BICRAL: variants seen among roughly 807,000 people sequenced by gnomAD.
BICRAL encodes the protein BICRA like chromatin remodeling complex associated protein.
BICRAL carries 8 observed loss-of-function variants against 91.8 expected under a neutral mutation model. The observed-to-expected ratio is 0.09, with a 90% CI of 0.05 to 0.16. BICRAL has a LOEUF of 0.16. Among genes scored for constraint, BICRAL ranks in the 10% least tolerant of loss-of-function variants. The pLI, the probability that BICRAL is intolerant of heterozygous loss-of-function variation, is 1.00. For synonymous variants in BICRAL, 445 were observed against 491.1 expected, an observed-to-expected ratio of 0.91 and a Z score of 1.24; for missense variants, 1,038 against 1,310.9, an observed-to-expected ratio of 0.79 and a Z score of 3.21.
intron 6 of BICRAL, among the ~76,000 whole-genome samples, chr6:42,842,794 C>G (rs1764841615): frequency 1.3e-5 from 2 of 152,074 alleles, no homozygotes; most frequent in African/African-American, 4.8e-5. Flanking sequence ...TACCACATGC[C>G]AGCCCCAGAC....
intron 1 of BICRAL, among the ~76,000 whole-genome samples, chr6:42,792,788 C>CTGT (rs978318078): frequency 1.1e-4 from 17 of 151,820 alleles, no homozygotes; most frequent in African/African-American, 4.1e-4. Flanking sequence ...TGGCAGGTAC[C>CTGT]TGTAATCCCA....
chr6:42,778,366 T>A (rs1016369197), upstream of BICRAL, among the ~76,000 whole-genome samples: 29 of 152,230 alleles, frequency 1.9e-4, no homozygotes, highest in African/African-American at 7.0e-4. Flanking sequence ...TAGACTGATG[T>A]TCCCAGGCAA....
At chr6:42,788,795 A>G (rs1167824001) in intron 1 of BICRAL, among the ~76,000 whole-genome samples, 1 of 152,226 alleles carries the variant, frequency 6.6e-6, no homozygotes, top group Non-Finnish European at 1.5e-5. Flanking sequence ...GTAACTGGGA[A>G]ACAAGGTAGT....
intron 1 of BICRAL, among the ~76,000 whole-genome samples, chr6:42,758,601 A>G (rs950132111): frequency 1.3e-5 from 2 of 152,106 alleles, no homozygotes; most frequent in Admixed American, 1.3e-4. Context: ...TTACACTACA[A>G]TGGAAATCTG....
intron 1 of BICRAL, among the ~76,000 whole-genome samples, chr6:42,761,279 A>AC (rs564813279): frequency 1.6e-3 from 246 of 151,366 alleles, no homozygotes; most frequent in African/African-American, 5.7e-3. Context: ...ACGTGGTGAA[A>AC]CCCCCATCTC....
chr6:42,757,436 T>C (rs1158229412), intron 1 of BICRAL, among the ~76,000 whole-genome samples: 1 of 152,134 alleles, frequency 6.6e-6, no homozygotes, highest in African/African-American at 2.4e-5. Flanking sequence ...GTATTTTTAC[T>C]AGAGACGGGG....
intron 2 of BICRAL, among the ~76,000 whole-genome samples, chr6:42,815,621 C>G (rs573504673): frequency 6.6e-6 from 1 of 152,138 alleles, no homozygotes; most frequent in Non-Finnish European, 1.5e-5. Flanking sequence ...AATTAATACA[C>G]TGTTATATCT....
rs1416235747 is a variant in BICRAL, at chr6:42,828,593, A to G, written c.260A>G (p.Asp87Gly). The change falls in exon 6 of 13, where the codon GAT (aspartate) becomes GGT (glycine). Residue 87 changes from aspartate (D) to glycine (G), a missense_variant. Physicochemically the swap from Asp to Gly is moderately conservative, Grantham distance 94. Transcript: ENST00000314073. Reference protein sequence around the residue: ...PLSSSLQFLEDELESSPLPDL... With the variant: ...PLSSSLQFLEGELESSPLPDL... ...TCAAGTAGCCTCCAGTTTCTTGAAG[A>G]TGAACTCGAGTCTTCTCCTCTTCCT... 4 of 1,613,984 alleles carry G rather than the reference A, an allele frequency of 2.5e-6. No homozygotes were observed. The highest frequency in any genetic ancestry group is 2.5e-6 in the Non-Finnish European group (3 of 1,180,008).
intron 5 of BICRAL, among the ~76,000 whole-genome samples, chr6:42,827,400 A>G (rs1764336469): frequency 6.6e-6 from 1 of 152,248 alleles, no homozygotes; most frequent in Admixed American, 6.5e-5. Flanking sequence ...TGAACAAATA[A>G]TCACTACATA....
chr6:42,834,421 T>C (rs1764584370), intron 6 of BICRAL, among the ~76,000 whole-genome samples: 1 of 152,238 alleles, frequency 6.6e-6, no homozygotes, highest in Non-Finnish European at 1.5e-5. Flanking sequence ...TTGCACATGA[T>C]AATTTAAGTT....
rs1487530506 is a variant in BICRAL, at chr6:42,774,406, TGAGTTTTGGTGCTTGCATGTGGTGGGG to T, written c.-260-7432_-260-7406del. On this transcript the variant is annotated intron_variant, in intron 1 of 14. Transcript: ENST00000614467. ...AAATTCAGAAGGGAAGATGATTACT[TGAGTTTTGGTGCTTGCATGTGGTGGGG>T]CAGGAGTAACTCATCGCATTTTCAC... 2.6e-5 allele frequency among the ~76,000 whole-genome samples: 4 copies of T among 152,244 alleles called. No individual in the cohort carries two copies. In the East Asian group the frequency reaches 5.8e-4, roughly 22 times the overall value.
upstream of BICRAL, among the ~76,000 whole-genome samples, chr6:42,780,747 G>GT (rs144920390): frequency 2.3e-4 from 34 of 151,090 alleles, no homozygotes; most frequent in African/African-American, 7.3e-4. Flanking sequence ...TTGTTGTTTT[G>GT]TTTTGTTTTT....
chr6:42,762,113 G>T (rs1762560280), intron 1 of BICRAL, among the ~76,000 whole-genome samples: 2 of 152,094 alleles, frequency 1.3e-5, no homozygotes, highest in South Asian at 4.1e-4. Flanking sequence ...CAGTGGTGGA[G>T]CCGAATTTGC....
At chr6:42,812,632 C>T (rs747015587) in intron 2 of BICRAL, among the ~76,000 whole-genome samples, 10 of 151,840 alleles carry the variant, frequency 6.6e-5, no homozygotes, top group African/African-American at 9.7e-5. Context: ...AAAATAAAAG[C>T]GCACTGGATG....
At chr6:42,780,189 A>C (rs898510576), upstream of BICRAL, among the ~76,000 whole-genome samples, 1 of 152,112 alleles carries the variant, frequency 6.6e-6, no homozygotes, top group Non-Finnish European at 1.5e-5. Flanking sequence ...ACAGGCTTGA[A>C]CCACTGTACC....
intron 1 of BICRAL, among the ~76,000 whole-genome samples, chr6:42,773,325 ACCT>A (rs1287797588): frequency 6.6e-6 from 1 of 151,436 alleles, no homozygotes; most frequent in African/African-American, 2.4e-5. Flanking sequence ...TGATCCACCC[ACCT>A]CAGCCTCCCA....
upstream of BICRAL, among the ~76,000 whole-genome samples, chr6:42,780,961 T>G (rs1436774420): frequency 2.6e-5 from 4 of 152,112 alleles, no homozygotes; most frequent in African/African-American, 9.7e-5. Flanking sequence ...GGTCTCGAAC[T>G]GCTGACCTCA....
In BICRAL at chr6:42,857,600, T is replaced by TAAAAAAAAAAAAAA. The variant is rs748078737; in HGVS notation, c.2254+366_2254+379dup. On this transcript the variant is annotated intron_variant, in intron 10 of 12. Transcript: ENST00000314073. Reference sequence around the variant, plus strand: ...GGCAACATAGGGAGACACTGTCTCTTAAAAAAAAAAAAAAATATATATATA... The same window carrying TAAAAAAAAAAAAAA: ...GGCAACATAGGGAGACACTGTCTCTTAAAAAAAAAAAAAAAAAAAAAAAAAAAAATATATATATA... Among the ~76,000 whole-genome samples the TAAAAAAAAAAAAAA allele has an allele frequency of 1.5e-4, 15 of 101,320 alleles. 1 individual carries two copies. Among genetic ancestry groups the TAAAAAAAAAAAAAA allele is most frequent in the African/African-American group, 7.5e-4 (15 of 20,012 alleles). 66.5% of individuals were successfully genotyped at this position (101,320 alleles called of 152,430 possible).
intron 8 of BICRAL, 152 bp from the exon 9 acceptor site, chr6:42,855,704 T>G: frequency 1.6e-6 from 1 of 609,080 alleles, no homozygotes; most frequent in East Asian, 2.8e-5. Context: ...GTACTGGTTT[T>G]TTTTTTTTTA....
Sources: allele counts gnomAD v4.1 joint callset (sites outside exome capture counted in the v4.1 genomes callset), GRCh38; gene constraint gnomAD v4.1.1; transcripts MANE v1.5; gene names NCBI Gene and HGNC (gene_info 2026-07-23, HGNC 2026-07-21).